Variants in NWD1 observed in about 807,000 individuals in gnomAD.
The protein encoded by NWD1 is NACHT and WD repeat domain containing 1, also known as NACHT domain- and WD repeat-containing protein 1.
Under a neutral mutation model 135.1 loss-of-function variants are expected in NWD1, and 129 were observed. The ratio of observed to expected loss-of-function variants is 0.96; its 90% CI spans 0.83 to 1.11. The LOEUF is 1.11. Ranked by LOEUF, NWD1 falls within the 50% of genes least tolerant of loss-of-function variation. The pLI, the probability that NWD1 is intolerant of heterozygous loss-of-function variation, is 0.00. For synonymous variants in NWD1, 773 were observed against 786.0 expected, an observed-to-expected ratio of 0.98 and a Z score of 0.28; for missense variants, 1,740 against 1,851.3, an observed-to-expected ratio of 0.94 and a Z score of 1.10.
intron 15 of NWD1, among the ~76,000 whole-genome samples, chr19:16,797,333 T>TC (rs991217296): frequency 3.4e-5 from 5 of 148,348 alleles, no homozygotes; most frequent in Non-Finnish European, 1.5e-5. Flanking sequence ...CATCTCTTTT[T>TC]TTTTTTTTTT....
At chr19:16,765,935 G>A (rs1456333972) in intron 10 of NWD1, among the ~76,000 whole-genome samples, 1 of 150,370 alleles carries the variant, frequency 6.7e-6, no homozygotes, top group Non-Finnish European at 1.5e-5. Flanking sequence ...GAGAATTGCT[G>A]GAACCTGGGA....
Position 16,800,044 on chromosome 19 carries a change from G to C in NWD1, c.3618G>C (p.Arg1206=), listed in dbSNP as rs748224720. 2 of 1,614,170 alleles carry C rather than the reference G, an allele frequency of 1.2e-6. No homozygotes were observed. Among genetic ancestry groups the C allele is most frequent in the Non-Finnish European group, 1.7e-6 (2 of 1,180,034 alleles). Residue 1206 remains arginine, a synonymous_variant, in exon 17 of 19, where the codon CGG becomes CGC. Coordinates refer to ENST00000524140, the MANE Select transcript of NWD1 (RefSeq NM_001007525.5). ...ATCTCAGCGATGCTCATAGGTCCCG[G>C]GTGCCTGCACCATTTCTGGACCGCA... ...VWDLSDAHRS[R]VPAPFLDRTG...
chr19:16,742,318 T>C (rs1283764506), intron 4 of NWD1, among the ~76,000 whole-genome samples: 2 of 152,106 alleles, frequency 1.3e-5, no homozygotes, highest in Non-Finnish European at 2.9e-5. Flanking sequence ...GAGGTTGCAG[T>C]GATCTGAGAT....
Position 16,817,197 on chromosome 19 carries a change from G to A in NWD1, c.*2158G>A, listed in dbSNP as rs1381511257. On this transcript the variant is annotated 3_prime_UTR_variant, in exon 19 of 19. Coordinates refer to ENST00000524140, the MANE Select transcript of NWD1 (RefSeq NM_001007525.5). The stretch of plus-strand genomic sequence containing the variant: ...TGCCTGTAATCTCAGTTACTCAGGA[G>A]GCTGAGTCAGGAGAATCACTTGAAC... The A allele has an allele frequency of 6.6e-6, 1 of 152,232 alleles. No homozygotes were observed. The highest frequency in any genetic ancestry group is 1.5e-5 in the Non-Finnish European group (1 of 68,098). The allele number at this position is 152,232 out of a possible 1,614,324, so 9.4% of individuals were successfully genotyped here. A position where few individuals can be genotyped will look rare whatever the true frequency, so the allele number is the denominator to read the frequency against.
chr19:16,816,739 C>G lies in NWD1; in HGVS notation c.*1700C>G, dbSNP rs553296465. On this transcript the variant is annotated 3_prime_UTR_variant, in exon 19 of 19. Coordinates refer to ENST00000524140, the MANE Select transcript of NWD1 (RefSeq NM_001007525.5). ...CCCTCCGTGGAATTCCTGATAGAGT[C>G]TCAATAAAAGCAACCTTAGAAACAG... 1.5e-4 allele frequency: 23 copies of G among 152,290 alleles called. No homozygotes were observed. The highest frequency in any genetic ancestry group is 5.3e-4 in the African/African-American group (22 of 41,562). 9.4% of individuals were successfully genotyped at this position (152,290 alleles called of 1,614,324 possible).
intron 17 of NWD1, among the ~76,000 whole-genome samples, chr19:16,806,927 G>A (rs1970763215): frequency 6.6e-6 from 1 of 151,778 alleles, no homozygotes; most frequent in South Asian, 2.1e-4. Flanking sequence ...TGAGGTGGGA[G>A]AATTGCTGGA....
intron 1 of NWD1, among the ~76,000 whole-genome samples, chr19:16,721,847 A>C (rs930156552): frequency 1.3e-5 from 2 of 152,154 alleles, no homozygotes; most frequent in Admixed American, 1.3e-4. Flanking sequence ...GTGGTGGCTC[A>C]TGCCTCTAAT....
Position 16,789,088 on chromosome 19 carries a change from T to TA in NWD1, c.2839dup (p.Thr947AsnfsTer12). On this transcript the variant is annotated frameshift_variant, in exon 13 of 19. Coordinates refer to ENST00000524140, the MANE Select transcript of NWD1 (RefSeq NM_001007525.5). LOFTEE classifies it high-confidence loss of function. The stretch of plus-strand genomic sequence containing the variant: ...ACTTACTCTCTGGCCAGGAGAAATT[T>TA]ACCATTTGGGATGGAGGCTCAAAAA... 6.2e-7 allele frequency: 1 copy of TA among 1,613,844 alleles called. No individual in the cohort carries two copies. Among genetic ancestry groups the TA allele is most frequent in the Middle Eastern group, 1.7e-4 (1 of 5,980 alleles).
At chr19:16,731,715 T>C (rs8101228) in intron 3 of NWD1, among the ~76,000 whole-genome samples, 84,915 of 147,892 alleles carry the variant, frequency 0.57, 24,758 homozygotes, top group African/African-American at 0.65. Context: ...AGCGATTCTC[T>C]CGCCTCAGCC....
intron 17 of NWD1, among the ~76,000 whole-genome samples, 193 bp downstream of exon 17, chr19:16,800,355 A>G (rs1232429257): frequency 1.3e-5 from 2 of 152,122 alleles, no homozygotes; most frequent in African/African-American, 4.8e-5. Flanking sequence ...CCAACATGGC[A>G]AAACCCTGTC....
chr19:16,798,665 C>T (rs1428237528), intron 16 of NWD1, among the ~76,000 whole-genome samples: 2 of 152,146 alleles, frequency 1.3e-5, no homozygotes, highest in African/African-American at 4.8e-5. Flanking sequence ...CACTCAGTCG[C>T]CCAGGCTGGA....
chr19:16,786,084 C>T (rs117203650), intron 12 of NWD1, among the ~76,000 whole-genome samples: 7,138 of 152,150 alleles, frequency 0.047, 222 homozygotes, highest in African/African-American at 0.091. Context: ...AGGCTAGTCT[C>T]GAACCCCTGA....
At chr19:16,783,041 C>A (rs1029084643) in intron 12 of NWD1, among the ~76,000 whole-genome samples, 1 of 119,350 alleles carries the variant, frequency 8.4e-6, no homozygotes, top group African/African-American at 3.0e-5. Context: ...TTCTTTCTTT[C>A]TTTTTTTTTT....
intron 11 of NWD1, among the ~76,000 whole-genome samples, chr19:16,774,121 C>A (rs1031968696): frequency 6.6e-6 from 1 of 150,780 alleles, no homozygotes; most frequent in Non-Finnish European, 1.5e-5. Context: ...ATCTTCTCTG[C>A]CACCCTTCCA....
intron 12 of NWD1, among the ~76,000 whole-genome samples, chr19:16,783,237 G>A (rs923552379): frequency 2.0e-5 from 3 of 151,674 alleles, no homozygotes; most frequent in Non-Finnish European, 4.4e-5. Context: ...GTCTCACCGT[G>A]TTTCCCAGGC....
In NWD1 at chr19:16,742,541, T is replaced by C. The variant is rs1446890024; in HGVS notation, c.199-1880T>C. Among the ~76,000 whole-genome samples, 3 of 152,070 alleles carry C rather than the reference T, an allele frequency of 2.0e-5. No individual in the cohort carries two copies. In the East Asian group the frequency reaches 5.8e-4, roughly 29 times the overall value. On this transcript the variant is annotated intron_variant, in intron 4 of 18. Transcript: ENST00000524140. ...TTCCATCCCCAGGCCCCTGTTTCCA[T>C]GATAATAAAAGGGGAGAGCTGGACT...
intron 1 of NWD1, among the ~76,000 whole-genome samples, chr19:16,723,163 A>T (rs1967200486): frequency 6.6e-6 from 1 of 151,968 alleles, no homozygotes; most frequent in Non-Finnish European, 1.5e-5. Context: ...CCTCCCAAGT[A>T]GCTAGGACCG....
chr19:16,749,072 C>T, intron 5 of NWD1, 67 bp from the exon 6 acceptor site: 1 of 1,283,384 alleles, frequency 7.8e-7, no homozygotes, highest in Non-Finnish European at 1.1e-6. Context: ...CTCCCAGCAA[C>T]CCCATTTAGG....
At chr19:16,720,570 T>G (rs967263574) in intron 1 of NWD1, among the ~76,000 whole-genome samples, 15 of 152,154 alleles carry the variant, frequency 9.9e-5, no homozygotes, top group African/African-American at 3.6e-4. Flanking sequence ...GACTTTTTTT[T>G]TTTTGAGACG....
Sources: gnomAD v4.1 joint callset for allele counts (sites outside exome capture counted in the v4.1 genomes callset) on GRCh38, gnomAD v4.1.1 for gene constraint, MANE v1.5 for transcripts, NCBI Gene and HGNC (gene_info 2026-07-23, HGNC 2026-07-21) for gene names.